Variants in ATP8B4 observed in about 807,000 individuals in gnomAD.
The protein encoded by ATP8B4 is ATPase phospholipid transporting 8B4 (putative).
Under a neutral mutation model 145.6 loss-of-function variants are expected in ATP8B4, and 133 were observed. The ratio of observed to expected loss-of-function variants is 0.91; its 90% CI spans 0.79 to 1.05. The LOEUF (loss-of-function observed/expected upper bound fraction) is 1.05. Among genes scored for constraint, ATP8B4 ranks in the 50% least tolerant of loss-of-function variants. The pLI is 0.00. For missense variants in ATP8B4, 1,458 were observed against 1,425.2 expected, an observed-to-expected ratio of 1.02 and a Z score of -0.37; for synonymous variants, 507 against 492.9, an observed-to-expected ratio of 1.03 and a Z score of -0.38.
intron 3 of ATP8B4, among the ~76,000 whole-genome samples, chr15:50,049,620 A>G (rs2052016764): frequency 6.6e-6 from 1 of 152,146 alleles, no homozygotes; most frequent in Non-Finnish European, 1.5e-5. Context: ...ATACAAGTGC[A>G]TGTGTCTTTA....
intron 1 of ATP8B4, among the ~76,000 whole-genome samples, chr15:50,153,525 G>A (rs2044373515): frequency 6.6e-6 from 1 of 152,102 alleles, no homozygotes; most frequent in African/African-American, 2.4e-5. Context: ...TTTTAGTAGA[G>A]ACGGGGTTTC....
Position 50,089,647 on chromosome 15 carries a change from A to C in ATP8B4, c.29-15462T>G, listed in dbSNP as rs189323723. Among the ~76,000 whole-genome samples the C allele has an allele frequency of 2.0e-5, 3 of 152,196 alleles. No homozygotes were observed. The East Asian group carries it at 5.8e-4, about 29-fold the overall frequency. ...CAGATGCTAGTGAGGCTGTGGAGAA[A>C]CAGGAACTTTTTTTTTTCTTTCTTT... On this transcript the variant is annotated intron_variant, in intron 2 of 27. Coordinates refer to ENST00000284509, the MANE Select transcript of ATP8B4 (RefSeq NM_024837.4).
intron 24 of ATP8B4, among the ~76,000 whole-genome samples, chr15:49,877,285 C>G (rs2034602350): frequency 6.6e-6 from 1 of 152,178 alleles, no homozygotes; most frequent in Non-Finnish European, 1.5e-5. Context: ...GACTGCATTT[C>G]CAGCCAGCTC....
chr15:50,152,372 T>G (rs1052682264), intron 1 of ATP8B4, among the ~76,000 whole-genome samples: 35 of 152,184 alleles, frequency 2.3e-4, no homozygotes, highest in Non-Finnish European at 4.0e-4. Flanking sequence ...AGTGACTGAT[T>G]TCATATTAGA....
At chr15:50,171,320 C>T (rs1430794322) in intron 1 of ATP8B4, among the ~76,000 whole-genome samples, 1 of 152,140 alleles carries the variant, frequency 6.6e-6, no homozygotes, top group African/African-American at 2.4e-5. Flanking sequence ...AAACAAGCCT[C>T]AATAAATTTA....
chr15:50,053,025 G>A (rs1019097611), intron 3 of ATP8B4, among the ~76,000 whole-genome samples: 3 of 152,160 alleles, frequency 2.0e-5, no homozygotes, highest in Admixed American at 6.5e-5. Flanking sequence ...AGAGCGATGA[G>A]GAGGTCTTTG....
intron 2 of ATP8B4, among the ~76,000 whole-genome samples, chr15:50,098,513 G>A (rs539863889): frequency 4.6e-5 from 7 of 151,498 alleles, no homozygotes; most frequent in Admixed American, 4.6e-4. Context: ...CAAACTCCTG[G>A]CCTCAAGTGA....
Position 49,955,043 on chromosome 15 carries a change from G to T in ATP8B4, c.1287+6934C>A, listed in dbSNP as rs149595234. ...CTTTGCAGCTACACAGATGCAGCTG[G>T]AGGCCATTATCTTAAGCAAACGTAG... On this transcript the variant is annotated intron_variant, in intron 14 of 27. Transcript: ENST00000284509. Among the ~76,000 whole-genome samples, 137 of 152,236 alleles carry T rather than the reference G, an allele frequency of 9.0e-4. 1 individual carries two copies. Among genetic ancestry groups the T allele is most frequent in the African/African-American group, 3.2e-3 (131 of 41,540 alleles).
At chr15:49,954,750 T>G (rs1318082681) in intron 14 of ATP8B4, among the ~76,000 whole-genome samples, 1 of 152,166 alleles carries the variant, frequency 6.6e-6, no homozygotes, top group Admixed American at 6.5e-5. Context: ...CCAGCCACTG[T>G]GGAGAGCCAT....
chr15:49,876,032 A>T (rs1434648518), intron 25 of ATP8B4, among the ~76,000 whole-genome samples: 1 of 152,194 alleles, frequency 6.6e-6, no homozygotes, highest in Non-Finnish European at 1.5e-5. Context: ...CATACAATGC[A>T]CAACCCAAAG....
At chr15:50,137,210 C>T (rs897599382) in intron 1 of ATP8B4, among the ~76,000 whole-genome samples, 3 of 152,222 alleles carry the variant, frequency 2.0e-5, no homozygotes, top group Non-Finnish European at 4.4e-5. Context: ...ATTCATCCAA[C>T]AAGGATCTAT....
chr15:49,972,577 C>G lies in ATP8B4; in HGVS notation c.1243+5G>C. The G allele has an allele frequency of 1.2e-6, 2 of 1,609,516 alleles. No individual in the cohort carries two copies. The highest frequency in any genetic ancestry group is 2.2e-5 in the South Asian group (2 of 90,730). ...TCGTTAAGAGAAAGGAACTGTTTCT[C>G]TTACCATAGATTCTCCCATTAATGG... On this transcript the variant is annotated splice_donor_5th_base_variant and intron_variant, in intron 13 of 27. Coordinates refer to ENST00000284509, the MANE Select transcript of ATP8B4 (RefSeq NM_024837.4).
upstream of ATP8B4, among the ~76,000 whole-genome samples, chr15:50,120,583 G>C (rs1416877023): frequency 6.6e-6 from 1 of 152,100 alleles, no homozygotes. Context: ...ACTGAGTATA[G>C]TAGTGCCTAT....
intron 2 of ATP8B4, among the ~76,000 whole-genome samples, chr15:50,095,753 T>TAA (rs35556719): frequency 2.9e-3 from 420 of 146,030 alleles, no homozygotes; most frequent in African/African-American, 8.5e-3. Context: ...ACCCTGTTTC[T>TAA]AAAAAAAAAA....
chr15:50,078,633 G>A (rs957801209), intron 2 of ATP8B4, among the ~76,000 whole-genome samples: 1 of 151,986 alleles, frequency 6.6e-6, no homozygotes, highest in Admixed American at 6.6e-5. Context: ...CTGCTCCAGA[G>A]TAAGATGTAA....
chr15:50,127,102 G>C (rs2057312804), intron 1 of ATP8B4, among the ~76,000 whole-genome samples: 1 of 152,118 alleles, frequency 6.6e-6, no homozygotes. Context: ...GTAACCTGTG[G>C]ACCCCCACTT....
chr15:50,064,845 G>C (rs1392569776), intron 3 of ATP8B4, among the ~76,000 whole-genome samples: 2 of 151,866 alleles, frequency 1.3e-5, no homozygotes, highest in African/African-American at 4.8e-5. Context: ...GGTTGAAGCA[G>C]GAGCAAAAGG....
At chr15:50,131,613 A>T (rs2044048188) in intron 1 of ATP8B4, among the ~76,000 whole-genome samples, 1 of 152,130 alleles carries the variant, frequency 6.6e-6, no homozygotes, top group Non-Finnish European at 1.5e-5. Flanking sequence ...CATCACAATT[A>T]GGCAAAAAGG....
intron 6 of ATP8B4, among the ~76,000 whole-genome samples, chr15:50,027,046 T>C (rs2050060180): frequency 6.6e-6 from 1 of 152,142 alleles, no homozygotes; most frequent in African/African-American, 2.4e-5. Context: ...CACCCCACCA[T>C]TCCATTAGCT....
Sources: allele counts gnomAD v4.1 joint callset (sites outside exome capture counted in the v4.1 genomes callset), GRCh38; gene constraint gnomAD v4.1.1; transcripts MANE v1.5; gene names NCBI Gene and HGNC (gene_info 2026-07-23, HGNC 2026-07-21).